The following TMSB15B variants were observed in gnomAD, a reference collection of about 807,000 sequenced individuals.
TMSB15B encodes the protein thymosin beta 15B, also known as thymosin beta-15B.
intron 1 of TMSB15B, among the ~76,000 whole-genome samples, chrX:103,943,530 G>A (rs2075017764): frequency 8.9e-6 from 1 of 111,954 alleles, no homozygotes; most frequent in Non-Finnish European, 1.9e-5. Context: ...TTTTATACCT[G>A]AAGAACTGCC....
intron 1 of TMSB15B, among the ~76,000 whole-genome samples, chrX:103,938,740 T>G (rs1303645181): frequency 1.8e-5 from 2 of 112,305 alleles, no homozygotes; most frequent in Non-Finnish European, 3.8e-5. Flanking sequence ...ATGCAGTTTC[T>G]CATAGTGTCG....
intron 1 of TMSB15B, chrX:103,928,753 G>C: frequency 8.5e-7 from 1 of 1,176,357 alleles, no homozygotes; most frequent in Non-Finnish European, 1.2e-6. Flanking sequence ...GTCTGGTAGT[G>C]TCAATGAAAC....
chrX:103,943,275 A>C (rs2075017140), intron 1 of TMSB15B, among the ~76,000 whole-genome samples: 2 of 111,812 alleles, frequency 1.8e-5, no homozygotes, highest in Non-Finnish European at 3.8e-5. Context: ...AACACAAAGG[A>C]TACTATCATA....
At chrX:103,943,336 T>C (rs1171421648) in intron 1 of TMSB15B, among the ~76,000 whole-genome samples, 2 of 112,129 alleles carry the variant, frequency 1.8e-5, no homozygotes, top group African/African-American at 6.5e-5. Context: ...GCCCAGATTG[T>C]CATGCACATA....
chrX:103,953,229 G>A (rs1556328596), intron 1 of TMSB15B, among the ~76,000 whole-genome samples: 1 of 111,526 alleles, frequency 9.0e-6, no homozygotes, highest in Non-Finnish European at 1.9e-5. Context: ...CCCGTCATGA[G>A]CCCACTCCAT....
chrX:103,938,421 T>G (rs2075004471), intron 1 of TMSB15B, among the ~76,000 whole-genome samples: 1 of 112,022 alleles, frequency 8.9e-6, no homozygotes, highest in South Asian at 3.8e-4. Context: ...AATTCCCTTC[T>G]TTGTCTTTTT....
intron 1 of TMSB15B, among the ~76,000 whole-genome samples, chrX:103,940,589 C>T (rs2075010092): frequency 9.0e-6 from 1 of 111,233 alleles, no homozygotes; most frequent in African/African-American, 3.3e-5. Flanking sequence ...TGTTAGCTTG[C>T]TGGGCTCCAT....
intron 1 of TMSB15B, among the ~76,000 whole-genome samples, chrX:103,946,312 T>C (rs2075025468): frequency 2.7e-5 from 3 of 112,006 alleles, no homozygotes; most frequent in African/African-American, 9.7e-5. Context: ...TTGTGATGTT[T>C]TCCCATCCTT....
At chrX:103,952,734 A>G (rs1556328495) in intron 1 of TMSB15B, among the ~76,000 whole-genome samples, 1 of 111,620 alleles carries the variant, frequency 9.0e-6, no homozygotes, top group African/African-American at 3.3e-5. Flanking sequence ...AATAGATTCA[A>G]AGGAGATCAG....
At chrX:103,928,671 T>A in intron 1 of TMSB15B, 1 of 1,157,605 alleles carries the variant, frequency 8.6e-7, no homozygotes, top group Non-Finnish European at 1.2e-6. Context: ...GCACTCTATA[T>A]TTTTCTTTCC....
chrX:103,948,537 A>C (rs782098044), intron 1 of TMSB15B, among the ~76,000 whole-genome samples: 4 of 112,604 alleles, frequency 3.6e-5, no homozygotes, highest in Non-Finnish European at 5.6e-5. Context: ...AATGTCTATG[A>C]GGATGGAAAT....
At chrX:103,923,781 A>C (rs1300278651) in intron 1 of TMSB15B, among the ~76,000 whole-genome samples, 2 of 111,247 alleles carry the variant, frequency 1.8e-5, no homozygotes, top group Non-Finnish European at 3.8e-5. Context: ...TGAATCTATA[A>C]ATTACCTTGG....
chrX:103,938,281 T>C (rs2075003868), intron 1 of TMSB15B, among the ~76,000 whole-genome samples: 1 of 111,904 alleles, frequency 8.9e-6, no homozygotes, highest in South Asian at 3.8e-4. Flanking sequence ...TCTCCCACTA[T>C]TATTGTGTGG....
At chrX:103,953,869 G>A (rs148270795) in intron 1 of TMSB15B, among the ~76,000 whole-genome samples, 6,322 of 110,976 alleles carry the variant, frequency 0.057, 202 homozygotes, top group Non-Finnish European at 0.084. Context: ...TGCTAACTTC[G>A]GGCTAACAAA....
At chrX:103,922,265 T>A (rs782596099) in intron 1 of TMSB15B, among the ~76,000 whole-genome samples, 3 of 109,922 alleles carry the variant, frequency 2.7e-5, no homozygotes, top group African/African-American at 1.0e-4. Context: ...CGTGCAGGTT[T>A]GTTACATATG....
intron 1 of TMSB15B, among the ~76,000 whole-genome samples, chrX:103,926,142 A>G (rs1383633460): frequency 2.7e-5 from 3 of 110,266 alleles, no homozygotes; most frequent in Non-Finnish European, 5.7e-5. Flanking sequence ...CTCCCAGTGT[A>G]CTGGCCATGA....
At chrX:103,929,491 T>C (rs1270819646) in intron 1 of TMSB15B, among the ~76,000 whole-genome samples, 3 of 111,148 alleles carry the variant, frequency 2.7e-5, no homozygotes, top group African/African-American at 6.5e-5. Context: ...CATGATATTG[T>C]TCACTGCCTC....
At chrX:103,926,097 CA>C in intron 1 of TMSB15B, among the ~76,000 whole-genome samples, 2 of 110,521 alleles carry the variant, frequency 1.8e-5, no homozygotes, top group Middle Eastern at 9.3e-3. Context: ...TACTCCTGCT[CA>C]GTTCTCAGCT....
At chrX:103,954,817 G>T (rs1330146428) in intron 1 of TMSB15B, among the ~76,000 whole-genome samples, 1 of 111,682 alleles carries the variant, frequency 9.0e-6, no homozygotes, top group East Asian at 2.8e-4. Context: ...TCCAGCAGTG[G>T]CCCCCTGCTC....
Sources: gnomAD v4.1 joint callset for allele counts (sites outside exome capture counted in the v4.1 genomes callset) on GRCh38, gnomAD v4.1.1 for gene constraint, MANE v1.5 for transcripts, NCBI Gene and HGNC (gene_info 2026-07-23, HGNC 2026-07-21) for gene names.